The following PARG variants were observed in gnomAD, a reference collection of about 807,000 sequenced individuals.
PARG encodes poly(ADP-ribose) glycohydrolase.
Under a neutral mutation model 113.0 loss-of-function variants are expected in PARG, and 35 were observed. The ratio of observed to expected loss-of-function variants is 0.31; its 90% CI spans 0.24 to 0.41. PARG has a LOEUF of 0.41. PARG is among the 10% of genes least tolerant of loss of function. The pLI is 1.00. For synonymous variants in PARG, 330 were observed against 409.9 expected (o/e 0.81, Z 2.36); for missense variants, 797 against 1,169.4 (o/e 0.68, Z 4.64).
chr10:49,894,302 A>G (rs1242830953), intron 7 of PARG, among the ~76,000 whole-genome samples: 1 of 150,956 alleles, frequency 6.6e-6, no homozygotes, highest in Non-Finnish European at 1.5e-5. Context: ...TTGGCCTCGC[A>G]AAGTGCTGGG....
intron 1 of PARG, among the ~76,000 whole-genome samples, chr10:49,937,035 T>C (rs1838780687): frequency 6.6e-6 from 1 of 152,194 alleles, no homozygotes; most frequent in Non-Finnish European, 1.5e-5. Flanking sequence ...TTTATTTAGC[T>C]TTCTGCAGCA....
intron 7 of PARG, among the ~76,000 whole-genome samples, chr10:49,891,428 C>T (rs1196266986): frequency 6.6e-6 from 1 of 150,974 alleles, no homozygotes; most frequent in Non-Finnish European, 1.5e-5. Context: ...TAGTTAGATA[C>T]TAATAAAATT....
At chr10:49,902,835 ATT>A (rs1198994376) in intron 7 of PARG, among the ~76,000 whole-genome samples, 3 of 143,454 alleles carry the variant, frequency 2.1e-5, no homozygotes, top group African/African-American at 2.5e-5. Flanking sequence ...TACAAAAAAA[ATT>A]TTTTTTTTTT....
intron 8 of PARG, among the ~76,000 whole-genome samples, chr10:49,883,535 A>C (rs1847311723): frequency 6.7e-6 from 1 of 148,336 alleles, no homozygotes; most frequent in Admixed American, 6.8e-5. Context: ...ACGGTGGCTC[A>C]TGCCTGTAAT....
At chr10:49,881,109 T>G (rs1247158479) in intron 8 of PARG, among the ~76,000 whole-genome samples, 27 of 152,188 alleles carry the variant, frequency 1.8e-4, no homozygotes, top group African/African-American at 6.5e-4. Flanking sequence ...AGATATTCCT[T>G]TCTGTTGATT....
At chr10:49,825,233 C>T (rs1485226502) in intron 16 of PARG, among the ~76,000 whole-genome samples, 2 of 152,142 alleles carry the variant, frequency 1.3e-5, no homozygotes, top group Non-Finnish European at 2.9e-5. Context: ...GACACTCCCT[C>T]CTTTTCCACT....
chr10:49,935,225 G>A, intron 1 of PARG, 83 bp from the exon 2 acceptor site: 1 of 618,774 alleles, frequency 1.6e-6, no homozygotes, highest in Middle Eastern at 2.7e-4. Context: ...ACTATGCTAG[G>A]TTCTACAGGT....
At chr10:49,891,008 G>A (rs1847747971) in intron 7 of PARG, among the ~76,000 whole-genome samples, 1 of 152,184 alleles carries the variant, frequency 6.6e-6, no homozygotes, top group Non-Finnish European at 1.5e-5. Flanking sequence ...ACAGTTTAGG[G>A]CAAACAGCTT....
chr10:49,845,681 G>A (rs1461510165), intron 13 of PARG, among the ~76,000 whole-genome samples: 1 of 151,810 alleles, frequency 6.6e-6, no homozygotes, highest in African/African-American at 2.4e-5. Flanking sequence ...GAGATCACTC[G>A]AGGTCAGTAG....
chr10:49,910,754 A>T (rs535321388), intron 7 of PARG, among the ~76,000 whole-genome samples: 5 of 152,360 alleles, frequency 3.3e-5, no homozygotes, highest in African/African-American at 1.2e-4. Flanking sequence ...TCTTTATAAT[A>T]ACATTTTATA....
intron 3 of PARG, among the ~76,000 whole-genome samples, chr10:49,932,605 A>G (rs1838545690): frequency 1.3e-5 from 2 of 152,180 alleles, no homozygotes. Context: ...TGATTGCACT[A>G]TCTCAGGAAA....
At chr10:49,857,586 G>C (rs1846056836) in intron 12 of PARG, 133 bp from the exon 13 acceptor site, 1 of 592,384 alleles carries the variant, frequency 1.7e-6, no homozygotes, top group African/African-American at 1.9e-5. Flanking sequence ...ATCTTCCCAG[G>C]AAGGGCAGAT....
At chr10:49,884,104 G>A (rs1282496788) in intron 8 of PARG, among the ~76,000 whole-genome samples, 1 of 151,640 alleles carries the variant, frequency 6.6e-6, no homozygotes, top group African/African-American at 2.4e-5. Flanking sequence ...GCCTTCAGAT[G>A]ACTGAAACCC....
chr10:49,935,290 G>T, intron 1 of PARG, 148 bp from the exon 2 acceptor site: 1 of 567,946 alleles, frequency 1.8e-6, no homozygotes, highest in South Asian at 2.4e-5. Context: ...GGTAAGACAG[G>T]AACATAAATG....
chr10:49,903,731 C>CTT (rs1848447765), intron 7 of PARG, among the ~76,000 whole-genome samples: 2 of 150,776 alleles, frequency 1.3e-5, no homozygotes, highest in African/African-American at 4.9e-5. Context: ...CAGGCAAACA[C>CTT]CATGACAGAG....
At chr10:49,840,390 C>CAA (rs1164773978) in intron 15 of PARG, among the ~76,000 whole-genome samples, 39 of 94,410 alleles carry the variant, frequency 4.1e-4, no homozygotes, top group Non-Finnish European at 6.6e-4. Flanking sequence ...GACCCTGCTT[C>CAA]AAAAAAAAAA....
At chr10:49,823,426 A>G (rs559084137) in intron 16 of PARG, among the ~76,000 whole-genome samples, 1 of 152,210 alleles carries the variant, frequency 6.6e-6, no homozygotes, top group African/African-American at 2.4e-5. Flanking sequence ...AAATACCATC[A>G]AAGTATGTCC....
intron 15 of PARG, among the ~76,000 whole-genome samples, chr10:49,836,979 C>T (rs1844968668): frequency 6.6e-6 from 1 of 152,140 alleles, no homozygotes; most frequent in Non-Finnish European, 1.5e-5. Flanking sequence ...TCTTGCAGTG[C>T]TATTTGCCAC....
chr10:49,938,394 T>C (rs1199978204), intron 1 of PARG, among the ~76,000 whole-genome samples: 1 of 152,012 alleles, frequency 6.6e-6, no homozygotes, highest in Non-Finnish European at 1.5e-5. Flanking sequence ...ATCAGCAACA[T>C]TATTCAGTAC....
Sources: allele counts gnomAD v4.1 joint callset (sites outside exome capture counted in the v4.1 genomes callset), GRCh38; gene constraint gnomAD v4.1.1; transcripts MANE v1.5; gene names NCBI Gene and HGNC (gene_info 2026-07-23, HGNC 2026-07-21).